The following FBXO43 variants were observed in gnomAD, a reference collection of about 807,000 sequenced individuals.
The protein encoded by FBXO43 is F-box protein 43.
Under a neutral mutation model 56.7 loss-of-function variants are expected in FBXO43, and 22 were observed. The observed-to-expected ratio is 0.39, with a 90% confidence interval of 0.28 to 0.55. The LOEUF (loss-of-function observed/expected upper bound fraction) is 0.55, where lower values mean the gene tolerates loss of function less well. Ranked by LOEUF, FBXO43 falls within the 20% of genes least tolerant of loss-of-function variation. FBXO43 has a pLI of 0.66. For synonymous variants in FBXO43, 306 were observed against 294.5 expected (o/e 1.04, Z -0.40); for missense variants, 733 against 814.9 (o/e 0.90, Z 1.22).
chr8:100,148,930 C>A (rs1814874587), upstream of FBXO43, among the ~76,000 whole-genome samples: 1 of 152,156 alleles, frequency 6.6e-6, no homozygotes, highest in African/African-American at 2.4e-5. Flanking sequence ...GAAAAAATAG[C>A]AACTTGCATC....
At position 100,145,208 on chromosome 8, in the gene FBXO43, T is replaced by C. The variant is rs549725542; in HGVS notation, c.-73A>G. The C allele has an allele frequency of 8.4e-6, 11 of 1,316,112 alleles. No individual in the cohort carries two copies. The African/African-American group carries it at 1.5e-4, about 18-fold the overall frequency. The allele number at this position is 1,316,112 out of a possible 1,614,324, so 81.5% of individuals were successfully genotyped here. On this transcript the variant is annotated 5_prime_UTR_variant, in exon 1 of 5. Transcript: ENST00000428847. ...ATTGAAAGGTGCAGCAGCATCATGA[T>C]TGCTCAAAGTCGAAGGGTACACAGG... is the stretch of plus-strand genomic sequence containing the variant.
At chr8:100,144,629 A>G (rs1403355017) in intron 1 of FBXO43, among the ~76,000 whole-genome samples, 10 of 120,116 alleles carry the variant, frequency 8.3e-5, no homozygotes, top group South Asian at 5.1e-4. Context: ...GTTCTTTAAG[A>G]AAAAAAAAAA....
chr8:100,142,006 G>A lies in FBXO43; in HGVS notation c.248C>T (p.Ser83Phe), dbSNP rs2132137914. Reference protein sequence around the residue: ...FQDSGYNELKSCSFDNIDKEY... With the variant: ...FQDSGYNELKFCSFDNIDKEY... ...TTTATCTATATTATCAAAGCTACAAGATTTTAACTCATTGTAGCCACTATC... is the reference window on the plus strand; with the variant it reads ...TTTATCTATATTATCAAAGCTACAAAATTTTAACTCATTGTAGCCACTATC... Residue 83 changes from serine (S) to phenylalanine (F), a missense_variant, in exon 2 of 5, where the codon TCT becomes TTT. Physicochemically the swap from Ser to Phe is radical, Grantham distance 155 (BLOSUM62 -2). Transcript: ENST00000428847. 1 of 1,613,384 alleles carries A rather than the reference G, an allele frequency of 6.2e-7. No individual in the cohort carries two copies. Among genetic ancestry groups the A allele is most frequent in the Non-Finnish European group, 8.5e-7 (1 of 1,179,804 alleles).
chr8:100,143,615 A>G (rs1814724304), intron 1 of FBXO43, among the ~76,000 whole-genome samples: 1 of 151,370 alleles, frequency 6.6e-6, no homozygotes, highest in Non-Finnish European at 1.5e-5. Flanking sequence ...ATTTTGTTAT[A>G]TTTTTAAACA....
At chr8:100,138,229 G>A (rs993295981) in intron 2 of FBXO43, among the ~76,000 whole-genome samples, 4 of 152,178 alleles carry the variant, frequency 2.6e-5, no homozygotes, top group African/African-American at 9.7e-5. Flanking sequence ...TCCAGTGATT[G>A]CTGATTTATC....
At chr8:100,139,519 G>A (rs1018881125) in intron 2 of FBXO43, among the ~76,000 whole-genome samples, 1 of 152,104 alleles carries the variant, frequency 6.6e-6, no homozygotes, top group Non-Finnish European at 1.5e-5. Flanking sequence ...CTAACTTCCC[G>A]CATGCTCCTC....
In FBXO43 at chr8:100,145,178, A is replaced by C; in HGVS notation, c.-43T>G. 6.5e-7 allele frequency: 1 copy of C among 1,545,248 alleles called. No individual in the cohort carries two copies. The highest frequency in any genetic ancestry group is 1.7e-4 in the Middle Eastern group (1 of 5,956). ...TAAAGAGGAAAACTTTAGTTTGCAC[A>C]ATTAATTGAAAGGTGCAGCAGCATC... On this transcript the variant is annotated 5_prime_UTR_variant, in exon 1 of 5. In the 5' UTR this introduces an upstream ATG that the reference lacks. Coordinates refer to ENST00000428847, the MANE Select transcript of FBXO43 (RefSeq NM_001029860.4).
chr8:100,150,553 T>C (rs1487972954), upstream of FBXO43: 1 of 152,316 alleles, frequency 6.6e-6, no homozygotes, highest in East Asian at 1.9e-4. Context: ...CCATCCGGGT[T>C]GTCTGGCCAC....
Position 100,133,653 on chromosome 8 carries a change from A to T in FBXO43, c.*149T>A. The T allele has an allele frequency of 1.1e-6, 1 of 899,990 alleles. No individual in the cohort carries two copies. The highest frequency in any genetic ancestry group is 1.6e-6 in the Non-Finnish European group (1 of 644,648). The allele number at this position is 899,990 out of a possible 1,614,324, so 55.8% of individuals were successfully genotyped here. ...TTTTTTCAAAACAACTTTAAAGAAA[A>T]CATACAATGACATCGATTATAATAT... On this transcript the variant is annotated 3_prime_UTR_variant, in exon 5 of 5. Coordinates refer to ENST00000428847, the MANE Select transcript of FBXO43 (RefSeq NM_001029860.4).
chr8:100,137,352 G>T, intron 3 of FBXO43: 1 of 407,986 alleles, frequency 2.5e-6, no homozygotes, highest in Non-Finnish European at 4.4e-6. Context: ...GAGCCACCGC[G>T]CCTGGCCAAC....
At chr8:100,144,670 GC>G (rs1814765123) in intron 1 of FBXO43, among the ~76,000 whole-genome samples, 1 of 150,060 alleles carries the variant, frequency 6.7e-6, no homozygotes, top group Admixed American at 6.6e-5. Flanking sequence ...GGTGGCTCAC[GC>G]CCGTAATCCC....
At chr8:100,148,392 T>G (rs1015062428), upstream of FBXO43, among the ~76,000 whole-genome samples, 3 of 152,184 alleles carry the variant, frequency 2.0e-5, no homozygotes, top group Non-Finnish European at 2.9e-5. Context: ...AATTTCATAT[T>G]CTTTACAGTC....
Position 100,140,863 on chromosome 8 carries a change from T to G in FBXO43, c.1391A>C (p.His464Pro). The G allele has an allele frequency of 6.2e-7, 1 of 1,614,242 alleles. No homozygotes were observed. The highest frequency in any genetic ancestry group is 8.5e-7 in the Non-Finnish European group (1 of 1,180,038). The part of the protein sequence containing the change: ...KRKRLQENSG[H>P]EFLEQGDGEK... ...CCCATCCCCTTGCTCTAAGAATTCATGTCCACTATTTTCCTGTAATCTTTT... is the reference window on the plus strand; with the variant it reads ...CCCATCCCCTTGCTCTAAGAATTCAGGTCCACTATTTTCCTGTAATCTTTT... The change falls in exon 2 of 5, where the codon CAT (histidine) becomes CCT (proline). Residue 464 changes from histidine to proline, a missense_variant. Physicochemically the swap from His to Pro is moderately conservative, Grantham distance 77. Transcript: ENST00000428847.
At chr8:100,135,498 G>T (rs551096385) in intron 3 of FBXO43, among the ~76,000 whole-genome samples, 1 of 151,902 alleles carries the variant, frequency 6.6e-6, no homozygotes, top group Non-Finnish European at 1.5e-5. Flanking sequence ...CTTTGAAAAA[G>T]ATTTTAAAAA....
At chr8:100,138,263 TA>T (rs1252409170) in intron 2 of FBXO43, among the ~76,000 whole-genome samples, 1 of 152,310 alleles carries the variant, frequency 6.6e-6, no homozygotes, top group East Asian at 1.9e-4. Flanking sequence ...ATATTATTAT[TA>T]AAAAGTAAGA....
chr8:100,146,559 C>T (rs1248620189), upstream of FBXO43, among the ~76,000 whole-genome samples: 3 of 152,142 alleles, frequency 2.0e-5, no homozygotes, highest in African/African-American at 7.2e-5. Context: ...TTTTTAAACC[C>T]TAATTTTTTC....
rs1814675864 is a variant in FBXO43, at chr8:100,142,031, C to G, written c.223G>C (p.Asp75His). The G allele has an allele frequency of 1.2e-6, 2 of 1,613,988 alleles. No homozygotes were observed. Among genetic ancestry groups the G allele is most frequent in the Non-Finnish European group, 1.7e-6 (2 of 1,179,954 alleles). The change falls in exon 2 of 5, where the codon GAT (aspartate) becomes CAT (histidine). Residue 75 changes from aspartate (D) to histidine (H), a missense_variant. By Grantham distance (81) the Asp-to-His change is moderately conservative. Coordinates refer to ENST00000428847, the MANE Select transcript of FBXO43 (RefSeq NM_001029860.4). ...RDFCSTSSFQDSGYNELKSCS... is the reference protein window; with the variant it reads ...RDFCSTSSFQHSGYNELKSCS... Reference sequence around the variant, plus strand: ...GATTTTAACTCATTGTAGCCACTATCTTGAAATGAAGATGTGGAACAAAAA... The same window carrying G: ...GATTTTAACTCATTGTAGCCACTATGTTGAAATGAAGATGTGGAACAAAAA...
At chr8:100,147,207 G>A (rs1266080189), upstream of FBXO43, among the ~76,000 whole-genome samples, 2 of 152,214 alleles carry the variant, frequency 1.3e-5, no homozygotes, top group African/African-American at 4.8e-5. Context: ...TGGGAATACA[G>A]AGCTGACACA....
At position 100,145,072 on chromosome 8, in the gene FBXO43, T is replaced by C. The variant is rs755922881; in HGVS notation, c.64A>G (p.Lys22Glu). Reference protein sequence around the residue: ...CLEAYVTLTSKSSRFTDETEI... With the variant: ...CLEAYVTLTSESSRFTDETEI... Reference sequence around the variant, plus strand: ...TTACCATCAGTAAATCTTGAGCTCTTAGATGTCAAAGTTACGTAGGCTTCC... The same window carrying C: ...TTACCATCAGTAAATCTTGAGCTCTCAGATGTCAAAGTTACGTAGGCTTCC... Residue 22 changes from lysine to glutamate, a missense_variant, in exon 1 of 5, where the codon AAG (lysine) becomes GAG (glutamate). By Grantham distance (56) the Lys-to-Glu change is moderately conservative. Transcript: ENST00000428847. 1.2e-6 allele frequency: 2 copies of C among 1,611,754 alleles called. No homozygotes were observed. The highest frequency in any genetic ancestry group is 1.7e-5 in the Admixed American group (1 of 59,860).
Sources: gnomAD v4.1 joint callset for allele counts (sites outside exome capture counted in the v4.1 genomes callset) on GRCh38, gnomAD v4.1.1 for gene constraint, MANE v1.5 for transcripts, NCBI Gene and HGNC (gene_info 2026-07-23, HGNC 2026-07-21) for gene names.